The following UEVLD variants were observed in gnomAD, a reference collection of about 807,000 sequenced individuals.
The protein encoded by UEVLD is UEV and lactate/malate dehyrogenase domains.
UEVLD carries 47 observed loss-of-function variants against 58.6 expected under a neutral mutation model. The observed-to-expected ratio is 0.80, with a 90% CI of 0.63 to 1.02. The LOEUF (loss-of-function observed/expected upper bound fraction) is 1.02, where lower values mean the gene tolerates loss of function less well. Ranked by LOEUF, UEVLD falls within the 50% of genes least tolerant of loss-of-function variation. The pLI, the probability that UEVLD is intolerant of heterozygous loss-of-function variation, is 0.00. For missense variants in UEVLD, 510 were observed against 550.6 expected, an observed-to-expected ratio of 0.93 and a Z score of 0.74; for synonymous variants, 197 against 195.3, an observed-to-expected ratio of 1.01 and a Z score of -0.07.
Position 18,547,020 on chromosome 11 carries a change from A to AC in UEVLD, c.745dup (p.Val249GlyfsTer10), listed in dbSNP as rs755214195. 1 of 1,613,910 alleles carries AC rather than the reference A, an allele frequency of 6.2e-7. No individual in the cohort carries two copies. The highest frequency in any genetic ancestry group is 1.7e-5 in the Admixed American group (1 of 59,924). On this transcript the variant is annotated frameshift_variant, in exon 8 of 12. Coordinates refer to ENST00000396197, the MANE Select transcript of UEVLD (RefSeq NM_001040697.4). LOFTEE classifies it high-confidence loss of function. Reference sequence around the variant, plus strand: ...ACCCAAAGAGTTGACTGTGAAGATCACCACCTTGGAATGAGCAGAGGCAGA... The same window carrying AC: ...ACCCAAAGAGTTGACTGTGAAGATCACCCACCTTGGAATGAGCAGAGGCAGA...
chr11:18,538,704 A>G (rs1048510372), intron 9 of UEVLD, among the ~76,000 whole-genome samples: 3 of 151,994 alleles, frequency 2.0e-5, no homozygotes, highest in African/African-American at 7.2e-5. Flanking sequence ...TTTGGTAACA[A>G]AGGGGAAAAC....
chr11:18,533,744 G>C (rs1850672429), intron 11 of UEVLD, among the ~76,000 whole-genome samples: 1 of 152,056 alleles, frequency 6.6e-6, no homozygotes, highest in Admixed American at 6.6e-5. Flanking sequence ...ACCCAGGCTG[G>C]AGTTGCAGAG....
At chr11:18,533,402 G>A (rs1027735361) in intron 11 of UEVLD, among the ~76,000 whole-genome samples, 1 of 149,968 alleles carries the variant, frequency 6.7e-6, no homozygotes, top group Non-Finnish European at 1.5e-5. Flanking sequence ...AAGCTCCCAC[G>A]TGAGTGAGAA....
chr11:18,586,807 A>C (rs1450009585), intron 1 of UEVLD, among the ~76,000 whole-genome samples: 1 of 152,086 alleles, frequency 6.6e-6, no homozygotes, highest in Non-Finnish European at 1.5e-5. Context: ...ACAGCCAACA[A>C]ATACTTATTA....
At chr11:18,584,198 A>G (rs543849927) in intron 1 of UEVLD, among the ~76,000 whole-genome samples, 2 of 152,020 alleles carry the variant, frequency 1.3e-5, no homozygotes, top group African/African-American at 4.8e-5. Flanking sequence ...TGGGCAACAC[A>G]ACAAGACACT....
intron 6 of UEVLD, among the ~76,000 whole-genome samples, chr11:18,561,647 G>T (rs1211548973): frequency 1.3e-5 from 2 of 152,118 alleles, no homozygotes; most frequent in Non-Finnish European, 2.9e-5. Flanking sequence ...CTCAAGACCA[G>T]CCTGGCCAAC....
intron 7 of UEVLD, among the ~76,000 whole-genome samples, chr11:18,557,253 A>G (rs1027824970): frequency 2.0e-5 from 3 of 151,910 alleles, no homozygotes; most frequent in African/African-American, 7.2e-5. Context: ...CCGGGTTCAC[A>G]CCACTCTCCT....
intron 9 of UEVLD, among the ~76,000 whole-genome samples, chr11:18,542,947 CAGT>C (rs1344788989): frequency 1.5e-5 from 2 of 137,098 alleles, no homozygotes; most frequent in African/African-American, 2.7e-5. Context: ...GACTGGAGTG[CAGT>C]GGTGTGATCT....
chr11:18,577,086 T>C (rs1815844097), intron 2 of UEVLD, among the ~76,000 whole-genome samples: 3 of 152,084 alleles, frequency 2.0e-5, no homozygotes, highest in Admixed American at 2.0e-4. Flanking sequence ...GAGAGACTGA[T>C]GCATGAGAAT....
chr11:18,551,283 C>T (rs1414991676), intron 7 of UEVLD, among the ~76,000 whole-genome samples: 5 of 151,814 alleles, frequency 3.3e-5, no homozygotes, highest in African/African-American at 7.3e-5. Flanking sequence ...ATTAGCCGGG[C>T]GTGGTGACAC....
intron 1 of UEVLD, among the ~76,000 whole-genome samples, chr11:18,585,360 T>C (rs1853493436): frequency 6.6e-6 from 1 of 152,230 alleles, no homozygotes; most frequent in South Asian, 2.1e-4. Flanking sequence ...CACTGGAAAT[T>C]TTTATGTTTG....
In UEVLD at chr11:18,570,289, A is replaced by T; in HGVS notation, c.282T>A (p.Asn94Lys). 1 of 1,597,524 alleles carries T rather than the reference A, an allele frequency of 6.3e-7. No individual in the cohort carries two copies. The highest frequency in any genetic ancestry group is 1.1e-5 in the South Asian group (1 of 87,304). The change falls in exon 4 of 12, where the codon AAT (asparagine) becomes AAA (lysine). Residue 94 changes from asparagine to lysine, a missense_variant. Coordinates refer to ENST00000396197, the MANE Select transcript of UEVLD (RefSeq NM_001040697.4). ...CATGTTTTCCGACTAAGATTCCCAT[A>T]TTTGCAGTTGGCTTCAAGAAGCAAA... ...PPICFLKPTA[N>K]MGILVGKHVD...
chr11:18,582,269 C>T (rs1399123680), intron 1 of UEVLD, among the ~76,000 whole-genome samples: 1 of 152,164 alleles, frequency 6.6e-6, no homozygotes, highest in Non-Finnish European at 1.5e-5. Context: ...AAGCACTCTT[C>T]TCGGGACTTA....
intron 6 of UEVLD, 24 bp downstream of exon 6, chr11:18,564,868 T>C (rs894349601): frequency 6.5e-7 from 1 of 1,547,000 alleles, no homozygotes; most frequent in African/African-American, 1.4e-5. Flanking sequence ...GATAGATGTA[T>C]TTATAACCAC....
chr11:18,544,935 CACAT>C (rs1382916341), intron 8 of UEVLD, 139 bp from the exon 9 acceptor site: 1 of 482,948 alleles, frequency 2.1e-6, no homozygotes. Flanking sequence ...TATACACACA[CACAT>C]ATATACATAT....
chr11:18,541,777 G>A (rs1035768199), intron 9 of UEVLD, among the ~76,000 whole-genome samples: 1 of 152,196 alleles, frequency 6.6e-6, no homozygotes, highest in Non-Finnish European at 1.5e-5. Flanking sequence ...TAAGATGGCC[G>A]AGAAGGCAAA....
intron 3 of UEVLD, among the ~76,000 whole-genome samples, chr11:18,571,562 A>T (rs149895153): frequency 1.3e-5 from 2 of 152,118 alleles, no homozygotes; most frequent in African/African-American, 2.4e-5. Flanking sequence ...ATCAGCAAAT[A>T]CCTTGACTCC....
At chr11:18,556,147 C>T (rs1243545731) in intron 7 of UEVLD, among the ~76,000 whole-genome samples, 1 of 152,184 alleles carries the variant, frequency 6.6e-6, no homozygotes, top group African/African-American at 2.4e-5. Flanking sequence ...GTTGATGAGA[C>T]ACACAGGAAG....
chr11:18,532,355 A>T lies in UEVLD; in HGVS notation c.1381T>A (p.Ser461Thr). The T allele has an allele frequency of 6.2e-7, 1 of 1,612,474 alleles. No homozygotes were observed. The highest frequency in any genetic ancestry group is 8.5e-7 in the Non-Finnish European group (1 of 1,179,392). The change falls in exon 12 of 12, where the codon TCA becomes ACA. Residue 461 changes from serine (S) to threonine (T), a missense_variant. By Grantham distance (58) the Ser-to-Thr change is moderately conservative. Transcript: ENST00000396197. Reference sequence around the variant, plus strand: ...AACTGTTGTTGGAGACTGTGGATTGAGGATGCACTGCTTTGGAGTTTCTCA... The same window carrying T: ...AACTGTTGTTGGAGACTGTGGATTGTGGATGCACTGCTTTGGAGTTTCTCA... ...VTEKLQSSAS[S>T]IHSLQQQLKL
Sources: gnomAD v4.1 joint callset for allele counts (sites outside exome capture counted in the v4.1 genomes callset) on GRCh38, gnomAD v4.1.1 for gene constraint, MANE v1.5 for transcripts, NCBI Gene and HGNC (gene_info 2026-07-23, HGNC 2026-07-21) for gene names.